Variants in TBC1D30 observed in about 807,000 individuals in gnomAD.
TBC1D30 encodes the protein TBC1 domain family, member 30.
TBC1D30 carries 31 observed loss-of-function variants against 63.2 expected under a neutral mutation model. That is an observed-to-expected ratio of 0.49 (90% CI 0.37 to 0.66). The LOEUF is 0.66. Ranked by LOEUF, TBC1D30 falls within the 30% of genes least tolerant of loss-of-function variation. The pLI is 0.00. For missense variants in TBC1D30, 810 were observed against 953.6 expected, an observed-to-expected ratio of 0.85 and a Z score of 1.98; for synonymous variants, 307 against 361.5, an observed-to-expected ratio of 0.85 and a Z score of 1.71.
At chr12:64,812,878 T>C (rs985812360) in intron 2 of TBC1D30, among the ~76,000 whole-genome samples, 8 of 152,030 alleles carry the variant, frequency 5.3e-5, no homozygotes, top group African/African-American at 1.9e-4. Context: ...CTCATTCTTC[T>C]CAAGTAACAT....
rs1483711242 is a variant in TBC1D30 at position 64,827,882 on chromosome 12, A to C, written c.202A>C (p.Asn68His). The change falls in exon 2 of 12, where the codon AAT becomes CAT. Residue 68 changes from asparagine (N) to histidine (H), a missense_variant. Physicochemically the swap from Asn to His is moderately conservative, Grantham distance 68. Around this residue, in one of 4 missense-constraint regions of TBC1D30, gnomAD observed 272 missense variants for 335.9 expected, o/e 0.81. Coordinates refer to ENST00000539867, the MANE Select transcript of TBC1D30 (RefSeq NM_015279.2). ...KFTLEPSLGQ[N>H]GFQQWYDALK... ...CACTCTTGAGCCATCTTTAGGTCAA[A>C]ATGGTTTTCAGCAGGTAACTTTGAT... 23 of 1,534,664 alleles carry C rather than the reference A, an allele frequency of 1.5e-5. No homozygotes were observed. Among genetic ancestry groups the C allele is most frequent in the Non-Finnish European group, 2.0e-5 (23 of 1,146,332 alleles).
Position 64,876,548 on chromosome 12 carries a change from C to A in TBC1D30, c.*760C>A. ...GAGCTTTTCCTGAGGTTTGTGTTCG[C>A]CTCTCAAGGAGAGCTTTGATCCTCA... On this transcript the variant is annotated 3_prime_UTR_variant, in exon 12 of 12. Coordinates refer to ENST00000539867, the MANE Select transcript of TBC1D30 (RefSeq NM_015279.2). 1 of 314,644 alleles carries A rather than the reference C, an allele frequency of 3.2e-6. No individual in the cohort carries two copies. Among genetic ancestry groups the A allele is most frequent in the Non-Finnish European group, 6.3e-6 (1 of 158,154 alleles). The allele number at this position is 314,644 out of a possible 1,614,324, so 19.5% of individuals were successfully genotyped here.
intron 5 of TBC1D30, among the ~76,000 whole-genome samples, chr12:64,834,733 A>C (rs1304626146): frequency 1.4e-4 from 6 of 44,376 alleles, no homozygotes; most frequent in African/African-American, 4.7e-4. Context: ...TTTTTTTTTG[A>C]TCTAAGATTT....
intron 10 of TBC1D30, chr12:64,868,671 T>C: frequency 3.4e-6 from 1 of 293,262 alleles, no homozygotes; most frequent in Non-Finnish European, 6.5e-6. Flanking sequence ...AGCAGGAACC[T>C]TCTTTTTCTT....
intron 2 of TBC1D30, among the ~76,000 whole-genome samples, chr12:64,809,261 C>T (rs554091620): frequency 6.8e-6 from 1 of 147,644 alleles, no homozygotes; most frequent in Non-Finnish European, 1.5e-5. Context: ...TCCCATTCTT[C>T]CCCCCAAGTC....
At chr12:64,761,001 C>T (rs887272852) in intron 1 of TBC1D30, among the ~76,000 whole-genome samples, 2 of 150,426 alleles carry the variant, frequency 1.3e-5, no homozygotes, top group African/African-American at 5.0e-5. Context: ...TTAAGTAAGC[C>T]TACAGAAGGC....
intron 8 of TBC1D30, among the ~76,000 whole-genome samples, chr12:64,862,817 A>AG (rs1877902882): frequency 6.6e-6 from 1 of 152,184 alleles, no homozygotes; most frequent in Non-Finnish European, 1.5e-5. Context: ...AGGAAAAAAA[A>AG]TTACATGAAT....
At chr12:64,828,338 T>C in intron 2 of TBC1D30, 106 bp from the exon 3 acceptor site, 1 of 780,982 alleles carries the variant, frequency 1.3e-6, no homozygotes, top group South Asian at 1.6e-5. Flanking sequence ...CCCATTGTGC[T>C]GTGCAAATTT....
At chr12:64,770,292 G>C (rs924561851) in intron 1 of TBC1D30, among the ~76,000 whole-genome samples, 10 of 150,686 alleles carry the variant, frequency 6.6e-5, no homozygotes, top group Admixed American at 4.6e-4. Flanking sequence ...TTTTTTTTTG[G>C]TAACAATTTA....
intron 3 of TBC1D30, among the ~76,000 whole-genome samples, chr12:64,828,836 G>A (rs997304257): frequency 3.4e-4 from 52 of 152,100 alleles, no homozygotes; most frequent in African/African-American, 1.2e-3. Flanking sequence ...AGGAGAAAAG[G>A]GGTAAGGAGG....
At chr12:64,873,843 G>A (rs1306722497) in intron 11 of TBC1D30, among the ~76,000 whole-genome samples, 2 of 152,118 alleles carry the variant, frequency 1.3e-5, no homozygotes, top group African/African-American at 2.4e-5. Flanking sequence ...AGTTGATACT[G>A]GGGTATGACC....
At chr12:64,767,059 A>G (rs1335495390) in intron 1 of TBC1D30, among the ~76,000 whole-genome samples, 2 of 152,126 alleles carry the variant, frequency 1.3e-5, no homozygotes, top group Admixed American at 6.5e-5. Context: ...CTTGAAGAGT[A>G]ATTTGTGGCT....
At chr12:64,786,402 G>C (rs1179596555) in intron 2 of TBC1D30, among the ~76,000 whole-genome samples, 2 of 151,978 alleles carry the variant, frequency 1.3e-5, no homozygotes, top group Non-Finnish European at 2.9e-5. Context: ...CGTAATCTTG[G>C]CTGAATACAA....
chr12:64,787,693 G>T (rs1365538142), intron 2 of TBC1D30, among the ~76,000 whole-genome samples: 1 of 152,078 alleles, frequency 6.6e-6, no homozygotes, highest in Non-Finnish European at 1.5e-5. Flanking sequence ...TATCCCTAAA[G>T]TATTATTTAT....
At chr12:64,776,900 C>T (rs1256973388), upstream of TBC1D30, among the ~76,000 whole-genome samples, 1 of 152,184 alleles carries the variant, frequency 6.6e-6, no homozygotes. Flanking sequence ...CATCAAAAAA[C>T]TCATTCACCA....
Position 64,843,241 on chromosome 12 carries a change from C to T in TBC1D30, c.933-139C>T, listed in dbSNP as rs544508033. 4.0e-3 allele frequency: 2,714 copies of T among 685,262 alleles called. 6 individuals carry two copies. Among genetic ancestry groups the T allele is most frequent in the Non-Finnish European group, 5.1e-3 (2,138 of 418,900 alleles). 42.4% of individuals were successfully genotyped at this position (685,262 alleles called of 1,614,324 possible). ...GGCTCCTGGCCTCAAGCAATCCTCC[C>T]GCCCCAGCCTCCCAGAGTGCTGGGA... On this transcript the variant is annotated intron_variant, in intron 7 of 11. Coordinates refer to ENST00000539867, the MANE Select transcript of TBC1D30 (RefSeq NM_015279.2).
At chr12:64,828,001 A>G (rs1874515886) in intron 2 of TBC1D30, 105 bp downstream of exon 2, 3 of 779,678 alleles carry the variant, frequency 3.8e-6, no homozygotes, top group Admixed American at 2.8e-5. Context: ...GAATGTGAAG[A>G]TGAGTCACTT....
intron 8 of TBC1D30, among the ~76,000 whole-genome samples, chr12:64,856,429 G>T (rs754471766): frequency 3.3e-5 from 5 of 152,246 alleles, no homozygotes; most frequent in Admixed American, 1.3e-4. Flanking sequence ...GGTTTTTGCA[G>T]ACTTGTAGAG....
intron 1 of TBC1D30, among the ~76,000 whole-genome samples, chr12:64,785,147 C>CTTTTTTTTTTTTTTTTTTTTTTT (rs3033154): frequency 1.5e-5 from 2 of 134,846 alleles, no homozygotes; most frequent in Non-Finnish European, 3.2e-5. Flanking sequence ...ACTTTAAAGA[C>CTTTTTTTTTTTTTTTTTTTTTTT]TTTTTTTTTT....
Sources: gnomAD v4.1 joint callset for allele counts (sites outside exome capture counted in the v4.1 genomes callset) on GRCh38, gnomAD v4.1.1 for gene constraint, gnomAD v4.1.1 regional missense constraint, MANE v1.5 for transcripts, NCBI Gene and HGNC (gene_info 2026-07-23, HGNC 2026-07-21) for gene names.